CNTN6: variants seen among roughly 807,000 people sequenced by gnomAD.
CNTN6 encodes the protein contactin-6.
CNTN6 carries 137 observed loss-of-function variants against 122.8 expected under a neutral mutation model. That is an observed-to-expected ratio of 1.12 (90% CI 0.97 to 1.29). The LOEUF (loss-of-function observed/expected upper bound fraction) is 1.29, where lower values mean the gene tolerates loss of function less well. CNTN6 is among the 50% of genes most tolerant of loss of function. The probability of loss-of-function intolerance (pLI) is 0.00; values close to 1 mark genes in which losing one functional copy is unlikely to be tolerated. For missense variants in CNTN6, 1,634 were observed against 1,223.4 expected (o/e 1.34, Z -5.01); for synonymous variants, 570 against 426.0 (o/e 1.34, Z -4.16).
At chr3:1,261,147 C>T (rs2094840028) in intron 4 of CNTN6, among the ~76,000 whole-genome samples, 1 of 152,058 alleles carries the variant, frequency 6.6e-6, no homozygotes, top group Admixed American at 6.6e-5. Context: ...CAGTACGGGG[C>T]ACATTTTAGT....
intron 1 of CNTN6, among the ~76,000 whole-genome samples, chr3:1,093,541 T>A (rs2090351343): frequency 6.6e-6 from 1 of 151,388 alleles, no homozygotes. Flanking sequence ...TTTTTTTTTT[T>A]AATCAAAGGG....
At chr3:1,282,298 C>T (rs975982649) in intron 5 of CNTN6, among the ~76,000 whole-genome samples, 3 of 152,192 alleles carry the variant, frequency 2.0e-5, no homozygotes, top group Admixed American at 1.3e-4. Context: ...ATGCAAATGT[C>T]CTGCTCCTCT....
At chr3:1,179,091 G>A (rs1225376582) in intron 2 of CNTN6, among the ~76,000 whole-genome samples, 2 of 152,126 alleles carry the variant, frequency 1.3e-5, no homozygotes, top group African/African-American at 2.4e-5. Flanking sequence ...AATGGGAGCA[G>A]GAGCATCACA....
chr3:1,179,820 CT>C (rs2093520813), intron 2 of CNTN6, among the ~76,000 whole-genome samples: 3 of 152,110 alleles, frequency 2.0e-5, no homozygotes, highest in Admixed American at 1.3e-4. Context: ...GCAAATTTCC[CT>C]GTTATCTTGC....
chr3:1,360,269 C>T (rs543832679), intron 12 of CNTN6, among the ~76,000 whole-genome samples: 1 of 152,008 alleles, frequency 6.6e-6, no homozygotes, highest in South Asian at 2.1e-4. Flanking sequence ...TTTGTGACAC[C>T]TTTTCCCTCT....
At chr3:1,193,248 G>T (rs1258114035) in intron 2 of CNTN6, among the ~76,000 whole-genome samples, 2 of 152,090 alleles carry the variant, frequency 1.3e-5, no homozygotes, top group Admixed American at 6.6e-5. Context: ...GACACAGCTT[G>T]CCATTTAATG....
At chr3:1,183,908 C>T (rs1023625309) in intron 2 of CNTN6, among the ~76,000 whole-genome samples, 1 of 152,172 alleles carries the variant, frequency 6.6e-6, no homozygotes, top group Non-Finnish European at 1.5e-5. Flanking sequence ...GGCCTGCTTT[C>T]AAACTCATTT....
intron 4 of CNTN6, among the ~76,000 whole-genome samples, chr3:1,251,771 T>C (rs1475155462): frequency 6.6e-6 from 1 of 152,124 alleles, no homozygotes; most frequent in Admixed American, 6.6e-5. Flanking sequence ...TGAGCTAGTA[T>C]TTTTCTCCTA....
At chr3:1,256,193 G>A (rs1366856712) in intron 4 of CNTN6, among the ~76,000 whole-genome samples, 2 of 152,050 alleles carry the variant, frequency 1.3e-5, no homozygotes, top group Non-Finnish European at 2.9e-5. Context: ...TTTAATTAAA[G>A]TTATTTGCTT....
chr3:1,348,903 A>G (rs113222744), intron 11 of CNTN6, among the ~76,000 whole-genome samples: 2,033 of 152,114 alleles, frequency 0.013, 49 homozygotes, highest in African/African-American at 0.046. Context: ...CCTGTGCAGA[A>G]CCAGCTCCCT....
At chr3:1,195,008 A>T (rs1174309698) in intron 2 of CNTN6, among the ~76,000 whole-genome samples, 1 of 152,084 alleles carries the variant, frequency 6.6e-6, no homozygotes, top group Non-Finnish European at 1.5e-5. Context: ...TTAATAGGCA[A>T]ATCAAACAAT....
In CNTN6 at chr3:1,277,346, C is replaced by CTTTTTTTTTT. The variant is rs10599744; in HGVS notation, c.359-1045_359-1036dup. ...CTACTTCTGTCTTTTAGTAGGTTTTCTTTTTTTTTTTTTTTTTTTTTTTTT... is the reference window on the plus strand; with the variant it reads ...CTACTTCTGTCTTTTAGTAGGTTTTCTTTTTTTTTTTTTTTTTTTTTTTTTTTTTTTTTTT... On this transcript the variant is annotated intron_variant, in intron 4 of 22. Coordinates refer to ENST00000446702, the MANE Select transcript of CNTN6 (RefSeq NM_001289080.2). 3.0e-3 allele frequency among the ~76,000 whole-genome samples: 244 copies of CTTTTTTTTTT among 80,124 alleles called. 26 individuals carry two copies. The highest frequency in any genetic ancestry group is 9.4e-3 in the East Asian group (25 of 2,672). The allele number at this position is 80,124 out of a possible 152,430, so 52.6% of individuals were successfully genotyped here. A position where few individuals can be genotyped will look rare whatever the true frequency, so the allele number is the denominator to read the frequency against.
intron 2 of CNTN6, among the ~76,000 whole-genome samples, chr3:1,158,933 CACACACACATATATATATAT>C (rs2093054750): frequency 2.4e-5 from 3 of 122,850 alleles, no homozygotes; most frequent in South Asian, 5.6e-4. Flanking sequence ...TATATATATA[CACACACACATATATATATAT>C]ACACACACAC....
intron 12 of CNTN6, among the ~76,000 whole-genome samples, chr3:1,370,660 C>G (rs1298896481): frequency 6.6e-6 from 1 of 151,950 alleles, no homozygotes; most frequent in Non-Finnish European, 1.5e-5. Context: ...GACCACCTGG[C>G]CAACATGGTG....
rs532162685 is a variant in CNTN6, at chr3:1,148,982, T to C, written c.55+919T>C. Among the ~76,000 whole-genome samples the C allele has an allele frequency of 4.4e-4, 67 of 152,266 alleles. No homozygotes were observed. In the South Asian group the frequency reaches 0.013, roughly 30 times the overall value. The stretch of plus-strand genomic sequence containing the variant: ...ATGCAGCATTTCTTGATGCCAACGC[T>C]TGGAACTGCTACATTGCCATTTCTG... On this transcript the variant is annotated intron_variant, in intron 2 of 22. Coordinates refer to ENST00000446702, the MANE Select transcript of CNTN6 (RefSeq NM_001289080.2).
intron 1 of CNTN6, among the ~76,000 whole-genome samples, chr3:1,122,818 G>T (rs756372177): frequency 6.6e-6 from 1 of 151,752 alleles, no homozygotes; most frequent in Non-Finnish European, 1.5e-5. Context: ...TCCATTTTAT[G>T]TACATATCAC....
chr3:1,378,890 G>C (rs989847169), intron 17 of CNTN6, among the ~76,000 whole-genome samples: 8 of 152,118 alleles, frequency 5.3e-5, no homozygotes, highest in Non-Finnish European at 2.9e-5. Flanking sequence ...TAAGTAGTAA[G>C]TTAACCATAT....
At chr3:1,281,665 T>A (rs545797268) in intron 5 of CNTN6, among the ~76,000 whole-genome samples, 1 of 151,934 alleles carries the variant, frequency 6.6e-6, no homozygotes, top group Non-Finnish European at 1.5e-5. Flanking sequence ...GGGTTTCACT[T>A]CTGACCTCGT....
chr3:1,384,748 CACATATATATACATATATAT>C (rs1197925743), intron 19 of CNTN6, among the ~76,000 whole-genome samples: 1 of 87,094 alleles, frequency 1.1e-5, no homozygotes, highest in Admixed American at 1.1e-4. Context: ...TACATATATA[CACATATATATACATATATAT>C]ACACATATAT....
Sources: gnomAD v4.1 joint callset for allele counts (sites outside exome capture counted in the v4.1 genomes callset) on GRCh38, gnomAD v4.1.1 for gene constraint, MANE v1.5 for transcripts, NCBI Gene and HGNC (gene_info 2026-07-23, HGNC 2026-07-21) for gene names.